Variants in GREM2 observed in about 807,000 individuals in gnomAD.
GREM2 encodes the protein gremlin 2, DAN family BMP antagonist.
In GREM2, 11 loss-of-function variants were observed where a neutral mutation model predicts 14.2. That is an observed-to-expected ratio of 0.78 (90% confidence interval 0.49 to 1.28). The LOEUF (loss-of-function observed/expected upper bound fraction) is 1.28. Ranked by LOEUF, GREM2 falls within the 50% of genes most tolerant of loss-of-function variation. GREM2 has a pLI of 0.00. For synonymous variants in GREM2, 98 were observed against 97.6 expected (o/e 1.00, Z -0.02); for missense variants, 210 against 218.5 (o/e 0.96, Z 0.24).
intron 1 of GREM2, among the ~76,000 whole-genome samples, chr1:240,604,183 G>T (rs914619196): frequency 1.3e-5 from 2 of 151,834 alleles, no homozygotes; most frequent in Non-Finnish European, 2.9e-5. Flanking sequence ...CCATTAATGC[G>T]GGATCTACCC....
chr1:240,582,993 T>C (rs568204892), intron 1 of GREM2, among the ~76,000 whole-genome samples: 1 of 152,310 alleles, frequency 6.6e-6, no homozygotes, highest in African/African-American at 2.4e-5. Context: ...TAAAACCTCT[T>C]GTATTTTCTT....
At chr1:240,554,533 C>T (rs1398102812) in intron 1 of GREM2, among the ~76,000 whole-genome samples, 1 of 151,888 alleles carries the variant, frequency 6.6e-6, no homozygotes, top group Non-Finnish European at 1.5e-5. Context: ...AGCTTCCAAA[C>T]CCAGTTGAAT....
chr1:240,522,150 CA>C (rs1191956660), intron 1 of GREM2, among the ~76,000 whole-genome samples: 2 of 143,442 alleles, frequency 1.4e-5, no homozygotes, highest in Admixed American at 6.9e-5. Flanking sequence ...AACAAACAAA[CA>C]AAAAAAACTA....
chr1:240,574,386 G>A (rs970963978), intron 1 of GREM2, among the ~76,000 whole-genome samples: 3 of 152,042 alleles, frequency 2.0e-5, no homozygotes, highest in Non-Finnish European at 2.9e-5. Flanking sequence ...CTTCTCTCAC[G>A]TGGCACATGT....
At chr1:240,575,820 A>G (rs1679361661) in intron 1 of GREM2, among the ~76,000 whole-genome samples, 1 of 151,776 alleles carries the variant, frequency 6.6e-6, no homozygotes, top group Non-Finnish European at 1.5e-5. Context: ...CGTGCCCAGC[A>G]CAAGATTCAG....
chr1:240,609,009 G>A (rs1317532975), intron 1 of GREM2, among the ~76,000 whole-genome samples: 2 of 152,128 alleles, frequency 1.3e-5, no homozygotes, highest in African/African-American at 4.8e-5. Context: ...ATATACCTAA[G>A]AACACAAGAG....
intron 1 of GREM2, among the ~76,000 whole-genome samples, chr1:240,515,766 C>T (rs1677940480): frequency 6.6e-6 from 1 of 152,128 alleles, no homozygotes; most frequent in African/African-American, 2.4e-5. Context: ...ATTAGTGCAT[C>T]ATTATCTTTT....
intron 1 of GREM2, among the ~76,000 whole-genome samples, chr1:240,594,374 A>G (rs1679774138): frequency 6.6e-6 from 1 of 152,196 alleles, no homozygotes; most frequent in Non-Finnish European, 1.5e-5. Context: ...CACTGCATGG[A>G]ATTGATAAAA....
chr1:240,531,711 CTTCTTT>C, intron 1 of GREM2: 1 of 867,192 alleles, frequency 1.2e-6, no homozygotes, highest in Non-Finnish European at 1.3e-6. Flanking sequence ...TCTTTTTCTT[CTTCTTT>C]TTTTTTTTTT....
At chr1:240,550,405 A>T (rs1325591489) in intron 1 of GREM2, 1 of 57,820 alleles carries the variant, frequency 1.7e-5, no homozygotes, top group African/African-American at 5.2e-5. Flanking sequence ...TGATTTGTTA[A>T]AACAAACAAA....
At chr1:240,525,716 T>C (rs1000907391) in intron 1 of GREM2, among the ~76,000 whole-genome samples, 1 of 152,088 alleles carries the variant, frequency 6.6e-6, no homozygotes, top group Non-Finnish European at 1.5e-5. Context: ...TGACTTCAAG[T>C]GATCCACCCT....
intron 1 of GREM2, among the ~76,000 whole-genome samples, chr1:240,504,158 C>T (rs983606685): frequency 1.3e-5 from 2 of 152,104 alleles, no homozygotes; most frequent in Non-Finnish European, 2.9e-5. Context: ...CAGAAGTGAA[C>T]ATAATTATTA....
chr1:240,527,593 G>A (rs1458053920), intron 1 of GREM2, among the ~76,000 whole-genome samples: 1 of 152,188 alleles, frequency 6.6e-6, no homozygotes, highest in Non-Finnish European at 1.5e-5. Flanking sequence ...AGGGACAAGG[G>A]AGGTACGTAG....
intron 1 of GREM2, among the ~76,000 whole-genome samples, chr1:240,545,148 G>A (rs1454460231): frequency 6.6e-6 from 1 of 152,194 alleles, no homozygotes; most frequent in Non-Finnish European, 1.5e-5. Flanking sequence ...TAGAGGGTTG[G>A]GACTTTCAGC....
At chr1:240,513,347 C>T (rs941000581) in intron 1 of GREM2, among the ~76,000 whole-genome samples, 7 of 152,114 alleles carry the variant, frequency 4.6e-5, no homozygotes, top group South Asian at 2.1e-4. Flanking sequence ...GAGACCGAGG[C>T]GGGCGGATCG....
intron 1 of GREM2, among the ~76,000 whole-genome samples, chr1:240,525,375 C>T (rs1678198156): frequency 6.6e-6 from 1 of 152,216 alleles, no homozygotes; most frequent in African/African-American, 2.4e-5. Flanking sequence ...AGGGGCTTTT[C>T]TGGAATGAAG....
At chr1:240,582,825 A>G (rs1460183859) in intron 1 of GREM2, among the ~76,000 whole-genome samples, 3 of 152,016 alleles carry the variant, frequency 2.0e-5, no homozygotes, top group Admixed American at 6.6e-5. Context: ...AATTTGTTGT[A>G]TATTTTTCTC....
intron 1 of GREM2, among the ~76,000 whole-genome samples, chr1:240,577,740 T>C (rs529107426): frequency 1.3e-5 from 2 of 152,350 alleles, no homozygotes; most frequent in African/African-American, 4.8e-5. Context: ...ATTAGCGATT[T>C]TTAAATCATA....
intron 1 of GREM2, among the ~76,000 whole-genome samples, chr1:240,537,192 T>G (rs1405345307): frequency 6.6e-6 from 1 of 152,052 alleles, no homozygotes; most frequent in Non-Finnish European, 1.5e-5. Flanking sequence ...TTAAACACTG[T>G]GAGCAAACAA....
Sources: gnomAD v4.1 joint callset for allele counts (sites outside exome capture counted in the v4.1 genomes callset) on GRCh38, gnomAD v4.1.1 for gene constraint, MANE v1.5 for transcripts, NCBI Gene and HGNC (gene_info 2026-07-23, HGNC 2026-07-21) for gene names.